ZNF730: variants seen among roughly 807,000 people sequenced by gnomAD.
The protein encoded by ZNF730 is zinc finger protein 730.
In ZNF730, 12 loss-of-function variants were observed where a neutral mutation model predicts 12.6. That is an observed-to-expected ratio of 0.95 (90% CI 0.61 to 1.54). ZNF730 has a LOEUF of 1.54. Ranked by LOEUF, ZNF730 falls within the 40% of genes most tolerant of loss-of-function variation. The pLI is 0.00. For missense variants in ZNF730, 643 were observed against 583.5 expected (o/e 1.10, Z -1.05); for synonymous variants, 194 against 195.8 (o/e 0.99, Z 0.08).
In ZNF730 at chr19:23,134,066, T is replaced by C. The variant is rs772813049; in HGVS notation, c.4-14T>C. 49 of 1,612,056 alleles carry C rather than the reference T, an allele frequency of 3.0e-5. No homozygotes were observed. In the Middle Eastern group the frequency reaches 4.9e-4, roughly 16 times the overall value. ...GGCACTTGGTAAATATGTGTGTTTG[T>C]TTGTGTTTTTCAGGGAGCGTTGACA... On this transcript the variant is annotated splice_polypyrimidine_tract_variant and intron_variant, in intron 1 of 3. Coordinates refer to ENST00000597761, the MANE Select transcript of ZNF730 (RefSeq NM_001277403.2).
intron 1 of ZNF730, among the ~76,000 whole-genome samples, chr19:23,133,701 G>A (rs1328073467): frequency 6.6e-6 from 1 of 152,166 alleles, no homozygotes; most frequent in Non-Finnish European, 1.5e-5. Context: ...AAGATCTTCA[G>A]TTTATTGTAG....
At chr19:23,082,189 CT>C (rs1324568871) in intron 1 of ZNF730, among the ~76,000 whole-genome samples, 1 of 152,162 alleles carries the variant, frequency 6.6e-6, no homozygotes, top group Non-Finnish European at 1.5e-5. Context: ...CCACTTTAGT[CT>C]CTGGTGACAC....
chr19:23,116,887 C>T (rs907535168), upstream of ZNF730: 7 of 431,250 alleles, frequency 1.6e-5, no homozygotes, highest in African/African-American at 6.3e-5. Flanking sequence ...TCATTCAGTC[C>T]AGCATCTGAT....
intron 1 of ZNF730, among the ~76,000 whole-genome samples, chr19:23,131,204 A>G (rs1199349224): frequency 6.6e-6 from 1 of 152,222 alleles, no homozygotes; most frequent in Non-Finnish European, 1.5e-5. Flanking sequence ...TCATTTCTCT[A>G]TTCCTCTCAT....
intron 1 of ZNF730, chr19:23,126,828 T>TAATCCAGTAGTGACC (rs1970677360): frequency 5.6e-6 from 3 of 540,386 alleles, no homozygotes; most frequent in South Asian, 4.4e-5. Context: ...CAGTGCTATA[T>TAATCCAGTAGTGACC]TAGCATTTTC....
intron 1 of ZNF730, among the ~76,000 whole-genome samples, chr19:23,076,808 C>T (rs185973663): frequency 6.6e-6 from 1 of 152,256 alleles, no homozygotes; most frequent in African/African-American, 2.4e-5. Flanking sequence ...GAAAGCAATA[C>T]CATTCAACCT....
chr19:23,087,307 C>T (rs886344932), intron 1 of ZNF730, among the ~76,000 whole-genome samples: 1 of 152,006 alleles, frequency 6.6e-6, no homozygotes, highest in African/African-American at 2.4e-5. Context: ...ACTCAGAAGG[C>T]TGAAGCAGGA....
chr19:23,079,281 C>G (rs1039578011), intron 1 of ZNF730, among the ~76,000 whole-genome samples: 1 of 152,164 alleles, frequency 6.6e-6, no homozygotes, highest in Non-Finnish European at 1.5e-5. Flanking sequence ...CCTCAGCCCC[C>G]TCAGTAGCTA....
At chr19:23,134,511 C>A (rs1228772490) in intron 2 of ZNF730, among the ~76,000 whole-genome samples, 1 of 141,758 alleles carries the variant, frequency 7.1e-6, no homozygotes, top group Non-Finnish European at 1.5e-5. Context: ...CCGCCCCGTC[C>A]GGGAGGTGAG....
chr19:23,139,364 T>A (rs1286468709), intron 3 of ZNF730, among the ~76,000 whole-genome samples: 1 of 152,226 alleles, frequency 6.6e-6, no homozygotes, highest in East Asian at 1.9e-4. Context: ...TTTAAATGTT[T>A]ATCAAAAGTT....
At chr19:23,117,914 C>T (rs928549654) in intron 1 of ZNF730, among the ~76,000 whole-genome samples, 1 of 152,086 alleles carries the variant, frequency 6.6e-6, no homozygotes, top group Non-Finnish European at 1.5e-5. Flanking sequence ...CCAGGCATCG[C>T]AGCCACGTAC....
rs113820903 is a variant in ZNF730 at position 23,145,877 on chromosome 19, A to T, written c.833A>T (p.His278Leu). ...AACCTTACTACACATAAAAGAATTC[A>T]TACTGGAGAGAAACCCTATAAATGT... ...STNLTTHKRIHTGEKPYKCEE... is the reference protein window; with the variant it reads ...STNLTTHKRILTGEKPYKCEE... The change falls in exon 4 of 4, where the codon CAT (histidine) becomes CTT (leucine). Residue 278 changes from histidine (H) to leucine (L), a missense_variant. Transcript: ENST00000597761. 6.2e-7 allele frequency: 1 copy of T among 1,610,494 alleles called. No individual in the cohort carries two copies.
intron 1 of ZNF730, chr19:23,128,197 A>G (rs1265182385): frequency 2.5e-6 from 2 of 788,884 alleles, no homozygotes; most frequent in African/African-American, 1.7e-5. Flanking sequence ...CCCTCACAGT[A>G]CCAAACAGTT....
intron 1 of ZNF730, among the ~76,000 whole-genome samples, chr19:23,107,836 C>T (rs1970413887): frequency 6.6e-6 from 1 of 151,980 alleles, no homozygotes; most frequent in South Asian, 2.1e-4. Flanking sequence ...TAAAGCCCCA[C>T]CCCTTGGGTG....
intron 1 of ZNF730, among the ~76,000 whole-genome samples, chr19:23,121,620 G>T (rs1013723982): frequency 2.0e-5 from 3 of 152,162 alleles, no homozygotes; most frequent in South Asian, 2.1e-4. Context: ...GATTACAGGC[G>T]TGAGCTGCCA....
intron 1 of ZNF730, among the ~76,000 whole-genome samples, chr19:23,077,424 C>CTTTTTTTTTTTTTTTTTTTTT (rs71163442): frequency 2.2e-5 from 1 of 45,552 alleles, no homozygotes; most frequent in African/African-American, 8.8e-5. Flanking sequence ...TCCCTAAGAG[C>CTTTTTTTTTTTTTTTTTTTTT]TTTTTTTTTT....
chr19:23,118,655 C>T (rs1245750884), intron 1 of ZNF730, among the ~76,000 whole-genome samples: 1 of 152,204 alleles, frequency 6.6e-6, no homozygotes, highest in East Asian at 1.9e-4. Flanking sequence ...ACATTGTCTT[C>T]ACCCAACCTA....
chr19:23,090,804 C>G (rs1970145712), intron 1 of ZNF730, among the ~76,000 whole-genome samples: 1 of 152,012 alleles, frequency 6.6e-6, no homozygotes, highest in African/African-American at 2.4e-5. Flanking sequence ...TGAGACCAGC[C>G]TGGCCAATAT....
chr19:23,090,641 C>G (rs879476966), intron 1 of ZNF730, among the ~76,000 whole-genome samples: 1 of 152,112 alleles, frequency 6.6e-6, no homozygotes, highest in South Asian at 2.1e-4. Context: ...GAAAACATCT[C>G]TAGGCCATGT....
Sources: gnomAD v4.1 joint callset for allele counts (sites outside exome capture counted in the v4.1 genomes callset) on GRCh38, gnomAD v4.1.1 for gene constraint, MANE v1.5 for transcripts, NCBI Gene and HGNC (gene_info 2026-07-23, HGNC 2026-07-21) for gene names.